Variants in GLDN observed in about 807,000 individuals in gnomAD.
GLDN encodes the protein gliomedin.
GLDN carries 47 observed loss-of-function variants against 56.5 expected under a neutral mutation model. That is an observed-to-expected ratio of 0.83 (90% CI 0.66 to 1.06). GLDN has a LOEUF of 1.06. Among genes scored for constraint, GLDN ranks in the 50% least tolerant of loss-of-function variants. The pLI is 0.00. For missense variants in GLDN, 782 were observed against 714.3 expected, an observed-to-expected ratio of 1.09 and a Z score of -1.08; for synonymous variants, 332 against 278.8, an observed-to-expected ratio of 1.19 and a Z score of -1.90.
chr15:51,397,663 C>T (rs540246264), intron 6 of GLDN, 65 bp downstream of exon 6: 3 of 1,417,174 alleles, frequency 2.1e-6, no homozygotes, highest in South Asian at 3.5e-5. Context: ...TGGTCTGCTC[C>T]CCAGGCTCTG....
At chr15:51,383,404 G>A (rs376501672) in intron 2 of GLDN, 32 bp from the exon 3 acceptor site, 7 of 1,613,330 alleles carry the variant, frequency 4.3e-6, no homozygotes, top group Non-Finnish European at 5.9e-6. Context: ...GTTCGGTGCT[G>A]GTTTCTCAAC....
chr15:51,341,917 G>A lies in GLDN; in HGVS notation c.233G>A (p.Gly78Glu). ...FLAELSRAPR[G>E]ASAPPQDPAS... ...GCCGAGTTGAGCCGCGCGCCGCGCG[G>A]GGCGTCCGCACCACCCCAAGACCCG... Residue 78 changes from glycine (G) to glutamate (E), a missense_variant, in exon 1 of 10, where the codon GGG (glycine) becomes GAG (glutamate). Coordinates refer to ENST00000335449, the MANE Select transcript of GLDN (RefSeq NM_181789.4). The A allele has an allele frequency of 1.9e-6, 3 of 1,594,390 alleles. No homozygotes were observed. The highest frequency in any genetic ancestry group is 2.5e-6 in the Non-Finnish European group (3 of 1,178,062).
chr15:51,391,774 C>T (rs905767929), intron 4 of GLDN, among the ~76,000 whole-genome samples: 1 of 152,210 alleles, frequency 6.6e-6, no homozygotes, highest in East Asian at 1.9e-4. Context: ...GAATCCATGG[C>T]ACAGCCAGTG....
At chr15:51,397,063 A>T (rs1376367282) in intron 5 of GLDN, among the ~76,000 whole-genome samples, 1 of 152,148 alleles carries the variant, frequency 6.6e-6, no homozygotes, top group Non-Finnish European at 1.5e-5. Flanking sequence ...ATGAACCCCA[A>T]TTGAAAAGAC....
chr15:51,385,105 T>A (rs1031331736), intron 4 of GLDN: 1 of 152,162 alleles, frequency 6.6e-6, no homozygotes, highest in African/African-American at 2.4e-5. Context: ...GTAATTACCA[T>A]TGGAATTACA....
intron 1 of GLDN, among the ~76,000 whole-genome samples, chr15:51,344,152 C>G (rs2036936084): frequency 6.6e-6 from 1 of 152,172 alleles, no homozygotes; most frequent in Admixed American, 6.5e-5. Flanking sequence ...GTAAGGTTGC[C>G]TACTGGAACT....
chr15:51,347,620 G>A lies in GLDN; in HGVS notation c.363+5573G>A, dbSNP rs559133261. On this transcript the variant is annotated intron_variant, in intron 1 of 9. Coordinates refer to ENST00000335449, the MANE Select transcript of GLDN (RefSeq NM_181789.4). ...GAAACAGACATGCTCTTGCATTGCTGTTCGGAGTGCGGAATGATGGAACCC... is the reference window on the plus strand; with the variant it reads ...GAAACAGACATGCTCTTGCATTGCTATTCGGAGTGCGGAATGATGGAACCC... Among the ~76,000 whole-genome samples the A allele has an allele frequency of 3.3e-5, 5 of 152,356 alleles. No homozygotes were observed. In the South Asian group the frequency reaches 1.0e-3, roughly 32 times the overall value.
intron 5 of GLDN, among the ~76,000 whole-genome samples, chr15:51,396,358 A>T (rs893148743): frequency 3.3e-5 from 5 of 152,212 alleles, no homozygotes; most frequent in Admixed American, 6.5e-5. Flanking sequence ...CATCAGGGGC[A>T]TTTCCCCTAC....
intron 9 of GLDN, among the ~76,000 whole-genome samples, chr15:51,403,031 A>C (rs1271948245): frequency 6.6e-6 from 1 of 152,042 alleles, no homozygotes; most frequent in Admixed American, 6.6e-5. Context: ...TGCCACACGG[A>C]GGTGGCGTGG....
intron 1 of GLDN, among the ~76,000 whole-genome samples, chr15:51,371,975 G>C (rs1401259490): frequency 6.6e-6 from 1 of 152,190 alleles, no homozygotes; most frequent in Non-Finnish European, 1.5e-5. Flanking sequence ...ATGAGCCGCC[G>C]CGCCTGGCCA....
Position 51,400,235 on chromosome 15 carries a change from A to T in GLDN, c.861A>T (p.Lys287Asn), listed in dbSNP as rs1343778692. The T allele has an allele frequency of 1.2e-6, 2 of 1,614,118 alleles. No homozygotes were observed. The highest frequency in any genetic ancestry group is 1.7e-6 in the Non-Finnish European group (2 of 1,180,038). The change falls in exon 7 of 10, where the codon AAA becomes AAT. Residue 287 changes from lysine to asparagine, a missense_variant. By Grantham distance (94) the Lys-to-Asn change is moderately conservative. Transcript: ENST00000335449. Reference sequence around the variant, plus strand: ...CAAATGATGATACCTTGGTTGGAAAAGCTGATGAGAAAGCCAGTGAACACC... The same window carrying T: ...CAAATGATGATACCTTGGTTGGAAATGCTGATGAGAAAGCCAGTGAACACC... The part of the protein sequence containing the change: ...AIPNDDTLVG[K>N]ADEKASEHHS...
At chr15:51,413,144 T>C in the GLDN span, among the ~76,000 whole-genome samples, 1 of 152,252 alleles carries the variant, frequency 6.6e-6, no homozygotes, top group Non-Finnish European at 1.5e-5. Flanking sequence ...TTATTTCCTT[T>C]CTTGGATTTT....
chr15:51,359,853 C>A (rs1204293727), intron 1 of GLDN, among the ~76,000 whole-genome samples: 1 of 151,866 alleles, frequency 6.6e-6, no homozygotes, highest in East Asian at 1.9e-4. Context: ...GTGGCAGGCA[C>A]CTGTAGTCCC....
At chr15:51,364,425 A>G (rs754449205) in intron 1 of GLDN, among the ~76,000 whole-genome samples, 3 of 152,082 alleles carry the variant, frequency 2.0e-5, no homozygotes, top group Non-Finnish European at 4.4e-5. Context: ...TGTCACCCAG[A>G]CTGGAGTGTA....
chr15:51,361,115 G>T (rs2037291721), intron 1 of GLDN, among the ~76,000 whole-genome samples: 1 of 152,244 alleles, frequency 6.6e-6, no homozygotes, highest in Non-Finnish European at 1.5e-5. Flanking sequence ...ACTGAAAGAT[G>T]ATTCCAGCAG....
At chr15:51,362,500 A>G (rs71397525) in intron 1 of GLDN, among the ~76,000 whole-genome samples, 2 of 134,680 alleles carry the variant, frequency 1.5e-5, no homozygotes, top group African/African-American at 2.6e-5. Flanking sequence ...AAAAAAAAAA[A>G]AAAAAGAAAG....
intron 1 of GLDN, among the ~76,000 whole-genome samples, chr15:51,343,748 G>GCAAT (rs563210211): frequency 1.2e-3 from 176 of 152,302 alleles, no homozygotes; most frequent in African/African-American, 4.0e-3. Flanking sequence ...CTAGGAGAAG[G>GCAAT]CAATCATCTT....
intron 7 of GLDN, 36 bp from the exon 8 acceptor site, chr15:51,400,337 G>T: frequency 6.2e-7 from 1 of 1,614,048 alleles, no homozygotes. Flanking sequence ...GTCATAATTG[G>T]CAGGCAAGTG....
Position 51,378,439 on chromosome 15 carries a change from C to A in GLDN, c.415+939C>A, listed in dbSNP as rs188998337. Among the ~76,000 whole-genome samples, 98 of 152,178 alleles carry A rather than the reference C, an allele frequency of 6.4e-4. 1 individual carries two copies. Among genetic ancestry groups the A allele is most frequent in the Non-Finnish European group, 9.3e-4 (63 of 68,018 alleles). On this transcript the variant is annotated intron_variant, in intron 2 of 9. Transcript: ENST00000335449. The stretch of plus-strand genomic sequence containing the variant: ...TGAAGTCCTTTTTCAGAGTTACATG[C>A]GACAGTAATGAGTGCTAGAGAAATG...
Sources: allele counts gnomAD v4.1 joint callset (sites outside exome capture counted in the v4.1 genomes callset), GRCh38; gene constraint gnomAD v4.1.1; transcripts MANE v1.5; gene names NCBI Gene and HGNC (gene_info 2026-07-23, HGNC 2026-07-21).